PCMTD1: variants seen among roughly 807,000 people sequenced by gnomAD.
PCMTD1 encodes the protein protein-L-isoaspartate O-methyltransferase domain-containing protein 1.
A neutral mutation model predicts 37.6 loss-of-function variants in PCMTD1; 12 were observed. That is an observed-to-expected ratio of 0.32 (90% confidence interval 0.20 to 0.52). The LOEUF is 0.52. PCMTD1 is among the 20% of genes least tolerant of loss of function. PCMTD1 has a pLI of 0.97. For synonymous variants in PCMTD1, 117 were observed against 135.8 expected, an observed-to-expected ratio of 0.86 and a Z score of 0.96; for missense variants, 235 against 421.3, an observed-to-expected ratio of 0.56 and a Z score of 3.87.
chr8:51,879,486 G>A (rs2038761638), intron 1 of PCMTD1, among the ~76,000 whole-genome samples: 1 of 152,132 alleles, frequency 6.6e-6, no homozygotes, highest in South Asian at 2.1e-4. Flanking sequence ...TCTGAGGTGG[G>A]CTATAGGAAT....
At chr8:51,884,038 C>T (rs976324149) in intron 1 of PCMTD1, among the ~76,000 whole-genome samples, 3 of 152,056 alleles carry the variant, frequency 2.0e-5, no homozygotes, top group Non-Finnish European at 4.4e-5. Flanking sequence ...TTTGTGGCTC[C>T]GTGTCTTGAG....
At position 51,880,003 on chromosome 8, in the gene PCMTD1, C is replaced by T. The variant is rs185376242; in HGVS notation, c.-95-18757G>A. On this transcript the variant is annotated intron_variant, in intron 1 of 5. Transcript: ENST00000522514. The stretch of plus-strand genomic sequence containing the variant: ...TTAGAGATCAACCTAGGCAACATAG[C>T]GAGACCATCATCTCTAACCAAAAAA... 3.6e-4 allele frequency among the ~76,000 whole-genome samples: 54 copies of T among 150,402 alleles called. 1 individual carries two copies. In the South Asian group the frequency reaches 6.1e-3, roughly 17 times the overall value.
chr8:51,896,270 T>C (rs1191985594), intron 1 of PCMTD1: 1 of 152,170 alleles, frequency 6.6e-6, no homozygotes, highest in African/African-American at 2.4e-5. Flanking sequence ...AACTATGTAG[T>C]TGCCACATCT....
At chr8:51,833,393 A>G (rs1215148829) in intron 4 of PCMTD1, 125 bp downstream of exon 4, 10 of 706,438 alleles carry the variant, frequency 1.4e-5, no homozygotes, top group Non-Finnish European at 2.2e-5. Flanking sequence ...CAAATAAGAT[A>G]AATCTGGTGA....
intron 1 of PCMTD1, among the ~76,000 whole-genome samples, chr8:51,894,728 T>C (rs2038977081): frequency 6.6e-6 from 1 of 151,282 alleles, no homozygotes; most frequent in Non-Finnish European, 1.5e-5. Flanking sequence ...GCTGTGTATA[T>C]GGCTGCTGGA....
Position 51,833,631 on chromosome 8 carries a change from T to C in PCMTD1, c.469A>G (p.Ser157Gly), listed in dbSNP as rs774700641. 2 of 1,612,410 alleles carry C rather than the reference T, an allele frequency of 1.2e-6. No homozygotes were observed. The highest frequency in any genetic ancestry group is 1.7e-4 in the Middle Eastern group (1 of 6,056). The change falls in exon 4 of 6, where the codon AGT becomes GGT. Residue 157 changes from serine (S) to glycine (G), a missense_variant. Physicochemically the swap from Ser to Gly is moderately conservative, Grantham distance 56 (BLOSUM62 0). Around this residue, in one of 3 missense-constraint regions of PCMTD1, gnomAD observed 183 missense variants for 349.3 expected, o/e 0.52. Transcript: ENST00000522514. The stretch of plus-strand genomic sequence containing the variant: ...CAATAAATTCGATCATACTGATGAC[T>C]GTCAGAAGCTATCTGGAGGCAATTA... ...VGNCLQIASDSHQYDRIYCGA... is the reference protein window; with the variant it reads ...VGNCLQIASDGHQYDRIYCGA...
Position 51,831,490 on chromosome 8 carries a change from C to T in PCMTD1, c.660G>A (p.Val220=), listed in dbSNP as rs938838890. The change falls in exon 5 of 6, where the codon GTG becomes GTA. Residue 220 remains valine (V), a synonymous_variant. Coordinates refer to ENST00000522514, the MANE Select transcript of PCMTD1 (RefSeq NM_052937.4). The stretch of plus-strand genomic sequence containing the variant: ...TGCCATTATCATTCTTACTTGGTTG[C>T]ACAAGTGGAGCAAATGAAACAGCAA... The part of the protein sequence containing the change: ...NILAVSFAPL[V]QPSKNDNGKP... 5 of 1,613,554 alleles carry T rather than the reference C, an allele frequency of 3.1e-6. No individual in the cohort carries two copies. In the African/African-American group the frequency reaches 6.7e-5, roughly 22 times the overall value.
At chr8:51,851,908 C>G (rs1418083548) in intron 2 of PCMTD1, among the ~76,000 whole-genome samples, 2 of 152,138 alleles carry the variant, frequency 1.3e-5, no homozygotes, top group Non-Finnish European at 2.9e-5. Flanking sequence ...CCTCAGCCTC[C>G]CAAAGTGCTG....
intron 2 of PCMTD1, chr8:51,849,969 T>A: frequency 1.5e-6 from 1 of 672,744 alleles, no homozygotes. Flanking sequence ...TAGTATTTTG[T>A]GTAAAGCTAA....
Position 51,818,560 on chromosome 8 carries a change from TGAC to T in PCMTD1, c.*1788_*1790del, listed in dbSNP as rs1285300589. The T allele has an allele frequency of 6.6e-6, 1 of 152,454 alleles. No homozygotes were observed. The highest frequency in any genetic ancestry group is 1.5e-5 in the Non-Finnish European group (1 of 68,184). The allele number at this position is 152,454 out of a possible 1,614,324, so 9.4% of individuals were successfully genotyped here. On this transcript the variant is annotated 3_prime_UTR_variant, in exon 6 of 6. Transcript: ENST00000522514. Reference sequence around the variant, plus strand: ...AAATAAAATGAGCATTTCTGACAGATGACAACAGTATGAAACTGATTTTTTTCT... The same window carrying T: ...AAATAAAATGAGCATTTCTGACAGATAACAGTATGAAACTGATTTTTTTCT...
At chr8:51,865,577 T>A (rs2038542930) in intron 1 of PCMTD1, among the ~76,000 whole-genome samples, 1 of 151,938 alleles carries the variant, frequency 6.6e-6, no homozygotes, top group South Asian at 2.1e-4. Flanking sequence ...ACAAAAACCC[T>A]ATGATCATTT....
At chr8:51,893,729 G>A in intron 1 of PCMTD1, among the ~76,000 whole-genome samples, 1 of 152,142 alleles carries the variant, frequency 6.6e-6, no homozygotes, top group East Asian at 1.9e-4. Context: ...CTTATAATCT[G>A]AAAACAATTC....
intron 5 of PCMTD1, among the ~76,000 whole-genome samples, chr8:51,828,543 G>T (rs993520158): frequency 1.3e-5 from 2 of 152,192 alleles, no homozygotes; most frequent in Admixed American, 6.6e-5. Flanking sequence ...TATGTCTCAT[G>T]ATGGGGTTCT....
At chr8:51,881,184 A>C (rs1347259303) in intron 1 of PCMTD1, among the ~76,000 whole-genome samples, 2 of 152,212 alleles carry the variant, frequency 1.3e-5, no homozygotes, top group African/African-American at 4.8e-5. Flanking sequence ...ACAAGCCAAT[A>C]ATCTCTCTTC....
intron 2 of PCMTD1, among the ~76,000 whole-genome samples, chr8:51,847,378 G>C (rs1047343977): frequency 6.6e-6 from 1 of 152,190 alleles, no homozygotes; most frequent in African/African-American, 2.4e-5. Flanking sequence ...TGTAATCCCA[G>C]CACTTTGGGA....
At chr8:51,825,031 ACAAAAATCAACTCAAGATGG>A (rs2037902190) in intron 5 of PCMTD1, among the ~76,000 whole-genome samples, 1 of 151,894 alleles carries the variant, frequency 6.6e-6, no homozygotes, top group Non-Finnish European at 1.5e-5. Context: ...TACACCTTAC[ACAAAAATCAACTCAAGATGG>A]ATTAAAGACT....
At chr8:51,845,232 T>C (rs1275535407) in intron 3 of PCMTD1, 1 of 155,108 alleles carries the variant, frequency 6.4e-6, no homozygotes, top group Admixed American at 6.3e-5. Flanking sequence ...TCATTTCTTC[T>C]GGATATATTA....
At chr8:51,828,659 C>T (rs2037956270) in intron 5 of PCMTD1, among the ~76,000 whole-genome samples, 1 of 152,188 alleles carries the variant, frequency 6.6e-6, no homozygotes, top group East Asian at 1.9e-4. Flanking sequence ...TTTCCACTCA[C>T]AATATTTATG....
At position 51,851,270 on chromosome 8, in the gene PCMTD1, A is replaced by C. The variant is rs2038303546; in HGVS notation, c.308-5507T>G. Among the ~76,000 whole-genome samples, 4 of 152,176 alleles carry C rather than the reference A, an allele frequency of 2.6e-5. No individual in the cohort carries two copies. The South Asian group carries it at 8.3e-4, about 31-fold the overall frequency. On this transcript the variant is annotated intron_variant, in intron 2 of 5. Coordinates refer to ENST00000522514, the MANE Select transcript of PCMTD1 (RefSeq NM_052937.4). ...TGCCAGAAACAAGTTCTAGTCCCTCAGGCTCCTCTCAGTCAATGGCTATGT... is the reference window on the plus strand; with the variant it reads ...TGCCAGAAACAAGTTCTAGTCCCTCCGGCTCCTCTCAGTCAATGGCTATGT...
Sources: gnomAD v4.1 joint callset for allele counts (sites outside exome capture counted in the v4.1 genomes callset) on GRCh38, gnomAD v4.1.1 for gene constraint, gnomAD v4.1.1 regional missense constraint, MANE v1.5 for transcripts, NCBI Gene and HGNC (gene_info 2026-07-23, HGNC 2026-07-21) for gene names.